Variants in LAMC2 observed in about 807,000 individuals in gnomAD.
The protein encoded by LAMC2 is laminin subunit gamma-2.
Under a neutral mutation model 140.2 loss-of-function variants are expected in LAMC2, and 97 were observed. The observed-to-expected ratio is 0.69, with a 90% CI of 0.59 to 0.82. The LOEUF (loss-of-function observed/expected upper bound fraction) is 0.82. LAMC2 is among the 40% of genes least tolerant of loss of function. The pLI is 0.00. For missense variants in LAMC2, 1,402 were observed against 1,476.1 expected (o/e 0.95, Z 0.82); for synonymous variants, 513 against 540.2 (o/e 0.95, Z 0.70).
chr1:183,223,177 T>C lies in LAMC2; in HGVS notation c.806T>C (p.Leu269Pro), dbSNP rs750750719. 2 of 1,614,210 alleles carry C rather than the reference T, an allele frequency of 1.2e-6. No individual in the cohort carries two copies. The highest frequency in any genetic ancestry group is 4.5e-5 in the East Asian group (2 of 44,882). ...CAACAGGTGAGCTATGGTCAAAGCCTGTCCTTTGACTACCGTGTGGACAGA... is the reference window on the plus strand; with the variant it reads ...CAACAGGTGAGCTATGGTCAAAGCCCGTCCTTTGACTACCGTGTGGACAGA... ...GNQQVSYGQS[L>P]SFDYRVDRGG... The change falls in exon 7 of 23, where the codon CTG becomes CCG. Residue 269 changes from leucine to proline, a missense_variant. Physicochemically the swap from Leu to Pro is moderately conservative, Grantham distance 98. Coordinates refer to ENST00000264144, the MANE Select transcript of LAMC2 (RefSeq NM_005562.3).
At chr1:183,247,400 G>A (rs1031916313), downstream of LAMC2, among the ~76,000 whole-genome samples, 2 of 152,010 alleles carry the variant, frequency 1.3e-5, no homozygotes, top group African/African-American at 4.8e-5. Flanking sequence ...AAAAGGCAGT[G>A]TTTAGCTTTG....
At chr1:183,199,178 C>T (rs1194388072) in intron 1 of LAMC2, among the ~76,000 whole-genome samples, 1 of 140,610 alleles carries the variant, frequency 7.1e-6, no homozygotes, top group Non-Finnish European at 1.5e-5. Flanking sequence ...CATCTTGGCT[C>T]ACTGCAACCT....
intron 1 of LAMC2, among the ~76,000 whole-genome samples, chr1:183,190,707 T>C (rs1658303846): frequency 6.6e-6 from 1 of 152,176 alleles, no homozygotes; most frequent in Admixed American, 6.5e-5. Context: ...TTTAATTTAG[T>C]AAATTAATTA....
At chr1:183,255,189 GCTT>G in the LAMC2 span, among the ~76,000 whole-genome samples, 1 of 152,064 alleles carries the variant, frequency 6.6e-6, no homozygotes, top group East Asian at 1.9e-4. Flanking sequence ...TCTTTATTGT[GCTT>G]TTTTGGTACC....
At chr1:183,197,400 C>T (rs1336888847) in intron 1 of LAMC2, among the ~76,000 whole-genome samples, 4 of 152,112 alleles carry the variant, frequency 2.6e-5, no homozygotes, top group East Asian at 1.9e-4. Context: ...GTGAGCTGGG[C>T]GCAGTGACTC....
chr1:183,198,832 A>C (rs1448949347), intron 1 of LAMC2, among the ~76,000 whole-genome samples: 1 of 152,222 alleles, frequency 6.6e-6, no homozygotes, highest in Non-Finnish European at 1.5e-5. Context: ...ATGGGTGGGC[A>C]GTCCTAGGGT....
At chr1:183,187,197 G>C (rs890845307) in intron 1 of LAMC2, among the ~76,000 whole-genome samples, 1 of 152,096 alleles carries the variant, frequency 6.6e-6, no homozygotes, top group African/African-American at 2.4e-5. Context: ...TGTTTATATT[G>C]CATCCTGCAT....
chr1:183,237,204 G>C (rs1408922804), intron 17 of LAMC2, 148 bp from the exon 18 acceptor site: 1 of 782,408 alleles, frequency 1.3e-6, no homozygotes, highest in African/African-American at 1.7e-5. Flanking sequence ...ACTCATTTTT[G>C]TTAGGTTTTG....
intron 11 of LAMC2, among the ~76,000 whole-genome samples, chr1:183,230,053 A>G (rs1428381541): frequency 6.6e-6 from 1 of 152,228 alleles, no homozygotes; most frequent in Admixed American, 6.5e-5. Flanking sequence ...AAGAAAGCAC[A>G]CTATAAACAC....
At chr1:183,224,730 G>C (rs911282885) in intron 7 of LAMC2, among the ~76,000 whole-genome samples, 3 of 150,874 alleles carry the variant, frequency 2.0e-5, no homozygotes, top group South Asian at 4.2e-4. Flanking sequence ...TGGAATACTC[G>C]TTCCCACCTT....
chr1:183,242,483 C>G (rs1660157252), intron 22 of LAMC2, among the ~76,000 whole-genome samples: 1 of 152,220 alleles, frequency 6.6e-6, no homozygotes, highest in Non-Finnish European at 1.5e-5. Flanking sequence ...GCCAGGTACC[C>G]TTCATACTGA....
intron 22 of LAMC2, among the ~76,000 whole-genome samples, chr1:183,242,129 C>T (rs1259776417): frequency 1.3e-5 from 2 of 152,112 alleles, no homozygotes; most frequent in Non-Finnish European, 2.9e-5. Context: ...ATCTTTTTGC[C>T]TCCAATGCTC....
In LAMC2 at chr1:183,225,706, C is replaced by CATAT; in HGVS notation, c.1053_1056dup (p.Gly353IlefsTer10). 1.9e-6 allele frequency: 3 copies of CATAT among 1,608,298 alleles called. No homozygotes were observed. The highest frequency in any genetic ancestry group is 2.6e-6 in the Non-Finnish European group (3 of 1,174,650). On this transcript the variant is annotated frameshift_variant, in exon 8 of 23. Transcript: ENST00000264144. LOFTEE classifies it high-confidence loss of function. ...CTCACAGCCCTCCGCATCCGAGCTA[C>CATAT]ATATGGAGAATACAGTAAGTGGCTA...
At chr1:183,231,347 C>G (rs1659795241) in intron 12 of LAMC2, among the ~76,000 whole-genome samples, 1 of 152,160 alleles carries the variant, frequency 6.6e-6, no homozygotes, top group African/African-American at 2.4e-5. Flanking sequence ...ATTTGGTACT[C>G]ATGATAACTT....
chr1:183,255,436 T>C, the LAMC2 span, among the ~76,000 whole-genome samples: 1 of 152,214 alleles, frequency 6.6e-6, no homozygotes, highest in African/African-American at 2.4e-5. Context: ...TTGATTTTTC[T>C]ATTTCTGTGA....
chr1:183,222,256 T>C (rs781492199), intron 6 of LAMC2, 45 bp downstream of exon 6: 14 of 1,595,506 alleles, frequency 8.8e-6, no homozygotes, highest in African/African-American at 1.3e-5. Flanking sequence ...CTTATAGGAC[T>C]AGGAAGTCAA....
intron 1 of LAMC2, among the ~76,000 whole-genome samples, chr1:183,202,741 C>T (rs1394084821): frequency 6.6e-6 from 1 of 152,196 alleles, no homozygotes; most frequent in Non-Finnish European, 1.5e-5. Context: ...CTAACAAATA[C>T]CACTATCCTA....
At position 183,243,721 on chromosome 1, in the gene LAMC2, C is replaced by T. The variant is rs1278921246; in HGVS notation, c.*321C>T. 7 of 399,746 alleles carry T rather than the reference C, an allele frequency of 1.8e-5. No individual in the cohort carries two copies. The highest frequency in any genetic ancestry group is 2.8e-5 in the Non-Finnish European group (6 of 213,678). 24.8% of individuals were successfully genotyped at this position (399,746 alleles called of 1,614,324 possible). A position where few individuals can be genotyped will look rare whatever the true frequency, so the allele number is the denominator to read the frequency against. On this transcript the variant is annotated 3_prime_UTR_variant, in exon 23 of 23. Coordinates refer to ENST00000264144, the MANE Select transcript of LAMC2 (RefSeq NM_005562.3). The stretch of plus-strand genomic sequence containing the variant: ...GCCTCATAATAGTCGTAAGTGGAGT[C>T]CTGGAATTTGGACAAGTGCTGTTGG...
chr1:183,209,101 C>T (rs1295702752), intron 2 of LAMC2, among the ~76,000 whole-genome samples: 1 of 150,364 alleles, frequency 6.7e-6, no homozygotes, highest in African/African-American at 2.5e-5. Context: ...ACAGTAAAGA[C>T]AAGTTAGTAA....
Sources: allele counts gnomAD v4.1 joint callset (sites outside exome capture counted in the v4.1 genomes callset), GRCh38; gene constraint gnomAD v4.1.1; transcripts MANE v1.5; gene names NCBI Gene and HGNC (gene_info 2026-07-23, HGNC 2026-07-21).